GCNT3: variants seen among roughly 807,000 people sequenced by gnomAD.
GCNT3 encodes the protein beta-1,3-galactosyl-O-glycosyl-glycoprotein beta-1,6-N-acetylglucosaminyltransferase 3.
For synonymous variants in GCNT3, 269 were observed against 195.2 expected (o/e 1.38, Z -3.15); for missense variants, 708 against 530.3 (o/e 1.34, Z -3.29).
In GCNT3 at chr15:59,619,653, A is replaced by G; in HGVS notation, c.*98A>G. The G allele has an allele frequency of 2.6e-6, 2 of 759,810 alleles. No homozygotes were observed. The highest frequency in any genetic ancestry group is 4.5e-6 in the Non-Finnish European group (2 of 443,036). The allele number at this position is 759,810 out of a possible 1,614,324, so 47.1% of individuals were successfully genotyped here. A position where few individuals can be genotyped will look rare whatever the true frequency, so the allele number is the denominator to read the frequency against. ...TGTGGGTGGGAGACCAGGGCTTTGCAATTCGTGGCATCCTTTAGGATAAGA... is the reference window on the plus strand; with the variant it reads ...TGTGGGTGGGAGACCAGGGCTTTGCGATTCGTGGCATCCTTTAGGATAAGA... On this transcript the variant is annotated 3_prime_UTR_variant, in exon 3 of 3. Coordinates refer to ENST00000396065, the MANE Select transcript of GCNT3 (RefSeq NM_004751.3).
In GCNT3 at chr15:59,618,668, G is replaced by T; in HGVS notation, c.430G>T (p.Glu144Ter). 1 of 1,614,206 alleles carries T rather than the reference G, an allele frequency of 6.2e-7. No individual in the cohort carries two copies. The highest frequency in any genetic ancestry group is 1.3e-5 in the African/African-American group (1 of 75,062). The change falls in exon 3 of 3, where the codon GAA (glutamate) becomes TAA (stop). Residue 144 changes from glutamate to a stop codon, truncating the protein, a stop_gained. Coordinates refer to ENST00000396065, the MANE Select transcript of GCNT3 (RefSeq NM_004751.3). LOFTEE classifies it low-confidence loss of function (END_TRUNC). ...AYSMVIHEKI[E>*]NFERLLRAVY... ...CTCTATGGTGATTCATGAGAAGATT[G>T]AAAACTTTGAAAGGCTACTGCGAGC...
At position 59,619,462 on chromosome 15, in the gene GCNT3, G is replaced by A; in HGVS notation, c.1224G>A (p.Leu408=). 1 of 1,614,092 alleles carries A rather than the reference G, an allele frequency of 6.2e-7. No homozygotes were observed. Among genetic ancestry groups the A allele is most frequent in the Non-Finnish European group, 8.5e-7 (1 of 1,179,986 alleles). The stretch of plus-strand genomic sequence containing the variant: ...GGATGCTTCAAAACCATCACCTGTT[G>A]GCCAACAAGTTTGACCCAAAGGTAG... ...LNWMLQNHHL[L]ANKFDPKVDD... The change falls in exon 3 of 3, where the codon TTG becomes TTA. Residue 408 remains leucine, a synonymous_variant. Coordinates refer to ENST00000396065, the MANE Select transcript of GCNT3 (RefSeq NM_004751.3).
Position 59,619,223 on chromosome 15 carries a change from G to A in GCNT3, c.985G>A (p.Asp329Asn). ...IEWVKDTYSP[D>N]EHLWATLQRA... ...ATGGGTAAAAGACACTTATAGCCCA[G>A]ATGAACACCTCTGGGCCACCCTTCA... Residue 329 changes from aspartate to asparagine, a missense_variant, in exon 3 of 3, where the codon GAT becomes AAT. By Grantham distance (23) the Asp-to-Asn change is conservative. Transcript: ENST00000396065. The A allele has an allele frequency of 6.2e-7, 1 of 1,614,094 alleles. No individual in the cohort carries two copies. The highest frequency in any genetic ancestry group is 8.5e-7 in the Non-Finnish European group (1 of 1,179,998).
Position 59,622,640 on chromosome 15 carries a change from T to C in GCNT3, c.*3085T>C, listed in dbSNP as rs1193489075. On this transcript the variant is annotated 3_prime_UTR_variant, in exon 3 of 3. Transcript: ENST00000396065. The stretch of plus-strand genomic sequence containing the variant: ...TGCAGATTCTCTGAGAAAAGAACTT[T>C]GGCCTCATAGTTAACTTACTCCAAA... 6.6e-6 allele frequency: 1 copy of C among 152,210 alleles called. No individual in the cohort carries two copies. Among genetic ancestry groups the C allele is most frequent in the Non-Finnish European group, 1.5e-5 (1 of 68,032 alleles). 9.4% of individuals were successfully genotyped at this position (152,210 alleles called of 1,614,324 possible). A position where few individuals can be genotyped will look rare whatever the true frequency, so the allele number is the denominator to read the frequency against.
Position 59,618,442 on chromosome 15 carries a change from C to A in GCNT3, c.204C>A (p.Ile68=). ...NFLKLPAKRS[I]NCSGVTRGDQ... ...TGAAACTTCCAGCAAAGAGGTCTAT[C>A]AACTGTTCAGGGGTCACCCGAGGGG... The change falls in exon 3 of 3, where the codon ATC becomes ATA. Residue 68 remains isoleucine (I), a synonymous_variant. Coordinates refer to ENST00000396065, the MANE Select transcript of GCNT3 (RefSeq NM_004751.3). The A allele has an allele frequency of 6.2e-7, 1 of 1,614,052 alleles. No homozygotes were observed. Among genetic ancestry groups the A allele is most frequent in the Non-Finnish European group, 8.5e-7 (1 of 1,179,926 alleles).
rs59182078 is a variant in GCNT3 at position 59,613,360 on chromosome 15, A to G, written c.-251+1379A>G. Among the ~76,000 whole-genome samples, 46 of 152,074 alleles carry G rather than the reference A, an allele frequency of 3.0e-4. No homozygotes were observed. In the East Asian group the frequency reaches 8.7e-3, roughly 29 times the overall value. On this transcript the variant is annotated intron_variant, in intron 1 of 2. Transcript: ENST00000396065. ...TAGAGCCACGATTTCTTAATGTGTT[A>G]TTAACAAATACTTAACACATAACCA...
chr15:59,617,525 A>G (rs953136142), intron 2 of GCNT3, among the ~76,000 whole-genome samples: 28 of 152,228 alleles, frequency 1.8e-4, no homozygotes, highest in African/African-American at 6.3e-4. Context: ...TACTCATTAA[A>G]TATTGTATAT....
Position 59,618,811 on chromosome 15 carries a change from G to A in GCNT3, c.573G>A (p.Lys191=). 3.7e-6 allele frequency: 6 copies of A among 1,614,200 alleles called. No homozygotes were observed. The highest frequency in any genetic ancestry group is 2.2e-5 in the South Asian group (2 of 91,082). Residue 191 remains lysine (K), a synonymous_variant, in exon 3 of 3, where the codon AAG becomes AAA. Coordinates refer to ENST00000396065, the MANE Select transcript of GCNT3 (RefSeq NM_004751.3). ...SCFPNVFIAS[K]LVRVVYASWS... is the part of the protein sequence containing the mutation. ...TCCCAAATGTCTTCATAGCCAGTAA[G>A]CTGGTTCGGGTGGTTTATGCCTCCT...
intron 1 of GCNT3, among the ~76,000 whole-genome samples, chr15:59,615,908 C>T (rs943336014): frequency 6.6e-6 from 1 of 152,080 alleles, no homozygotes; most frequent in Non-Finnish European, 1.5e-5. Flanking sequence ...AAAACTTGCT[C>T]TGTTCAGATA....
intron 1 of GCNT3, among the ~76,000 whole-genome samples, chr15:59,615,371 C>T (rs1380031835): frequency 1.3e-5 from 2 of 152,166 alleles, no homozygotes; most frequent in East Asian, 3.8e-4. Context: ...GAGACCTCAG[C>T]ATTTGTTGAG....
At chr15:59,612,503 A>G (rs1398225977) in intron 1 of GCNT3, among the ~76,000 whole-genome samples, 1 of 152,154 alleles carries the variant, frequency 6.6e-6, no homozygotes, top group Non-Finnish European at 1.5e-5. Flanking sequence ...TGTTGGATAA[A>G]TTTGCTTTCA....
intron 1 of GCNT3, chr15:59,614,898 C>T (rs1330554845): frequency 6.6e-6 from 1 of 152,180 alleles, no homozygotes; most frequent in African/African-American, 2.4e-5. Flanking sequence ...GCTGTGGCTT[C>T]ATCTAAGTCA....
chr15:59,620,588 A>G lies in GCNT3; in HGVS notation c.*1033A>G, dbSNP rs1411033274. 6.0e-6 allele frequency: 1 copy of G among 167,036 alleles called. No individual in the cohort carries two copies. The highest frequency in any genetic ancestry group is 1.5e-5 in the Non-Finnish European group (1 of 68,116). 10.3% of individuals were successfully genotyped at this position (167,036 alleles called of 1,614,324 possible). On this transcript the variant is annotated 3_prime_UTR_variant, in exon 3 of 3. Transcript: ENST00000396065. The stretch of plus-strand genomic sequence containing the variant: ...TTTCTGTAAAGGAAAAGGCAGGGTG[A>G]TTTAACCAGTTTGACCACCTTTCCT...
intron 1 of GCNT3, among the ~76,000 whole-genome samples, chr15:59,615,723 A>C (rs1370870466): frequency 2.8e-4 from 34 of 123,184 alleles, no homozygotes; most frequent in African/African-American, 9.6e-4. Context: ...TCTCTACTTT[A>C]AAAAAAAAAA....
Position 59,621,586 on chromosome 15 carries a change from A to ATTTTTTTTTTTTTTTT in GCNT3, c.*2036_*2037insTTTTTTTTTTTTTTTT, listed in dbSNP as rs72144814. The ATTTTTTTTTTTTTTTT allele has an allele frequency of 4.4e-4, 40 of 90,876 alleles. 16 individuals carry two copies. Among genetic ancestry groups the ATTTTTTTTTTTTTTTT allele is most frequent in the African/African-American group, 1.2e-3 (28 of 23,854 alleles). 5.6% of individuals were successfully genotyped at this position (90,876 alleles called of 1,614,324 possible). A position where few individuals can be genotyped will look rare whatever the true frequency, so the allele number is the denominator to read the frequency against. On this transcript the variant is annotated 3_prime_UTR_variant, in exon 3 of 3. Transcript: ENST00000396065. ...TCATTAATATGTTTCTTCCTTTCTGATTTTTGTTTTTTTTTTTTTTTTTGA... is the reference window on the plus strand; with the variant it reads ...TCATTAATATGTTTCTTCCTTTCTGATTTTTTTTTTTTTTTTTTTTTGTTTTTTTTTTTTTTTTTGA...
rs560578018 is a variant in GCNT3 at position 59,616,700 on chromosome 15, G to A, written c.-242G>A. 1.3e-5 allele frequency: 2 copies of A among 152,198 alleles called. No homozygotes were observed. Among genetic ancestry groups the A allele is most frequent in the Admixed American group, 6.5e-5 (1 of 15,270 alleles). 9.4% of individuals were successfully genotyped at this position (152,198 alleles called of 1,614,324 possible). A position where few individuals can be genotyped will look rare whatever the true frequency, so the allele number is the denominator to read the frequency against. The stretch of plus-strand genomic sequence containing the variant: ...TGCCCTCTACTTTGCAGATATTAAA[G>A]AGGAGCCTGAAACTGTTCCTTGGAC... On this transcript the variant is annotated 5_prime_UTR_variant, in exon 2 of 3. Transcript: ENST00000396065.
In GCNT3 at chr15:59,619,168, G is replaced by C. The variant is rs773972923; in HGVS notation, c.930G>C (p.Leu310Phe). 1 of 1,614,064 alleles carries C rather than the reference G, an allele frequency of 6.2e-7. No individual in the cohort carries two copies. The highest frequency in any genetic ancestry group is 8.5e-7 in the Non-Finnish European group (1 of 1,180,004). ...CCCGAGATTTCGTCCAACATGTTTT[G>C]AAGAACCCTAAATCCCAACAACTGA... ...VASRDFVQHV[L>F]KNPKSQQLIE... The change falls in exon 3 of 3, where the codon TTG (leucine) becomes TTC (phenylalanine). Residue 310 changes from leucine (L) to phenylalanine (F), a missense_variant. Leu to Phe is a conservative substitution (Grantham distance 22). Transcript: ENST00000396065.
In GCNT3 at chr15:59,615,791, G is replaced by C. The variant is rs560533337; in HGVS notation, c.-250-901G>C. ...TGGTCCCAGCTACTCAGGATGCTGG[G>C]GCAGGAGGATGGCTTGAGCCCAGGA... On this transcript the variant is annotated intron_variant, in intron 1 of 2. Transcript: ENST00000396065. 4.9e-4 allele frequency among the ~76,000 whole-genome samples: 75 copies of C among 152,224 alleles called. No individual in the cohort carries two copies. In the South Asian group the frequency reaches 0.015, roughly 30 times the overall value.
At position 59,621,212 on chromosome 15, in the gene GCNT3, G is replaced by C. The variant is rs1890924709; in HGVS notation, c.*1657G>C. 2 of 151,940 alleles carry C rather than the reference G, an allele frequency of 1.3e-5. No individual in the cohort carries two copies. The highest frequency in any genetic ancestry group is 1.3e-4 in the Admixed American group (2 of 15,248). 9.4% of individuals were successfully genotyped at this position (151,940 alleles called of 1,614,324 possible). A position where few individuals can be genotyped will look rare whatever the true frequency, so the allele number is the denominator to read the frequency against. On this transcript the variant is annotated 3_prime_UTR_variant, in exon 3 of 3. Coordinates refer to ENST00000396065, the MANE Select transcript of GCNT3 (RefSeq NM_004751.3). ...CTCTTGAGTCAAAACTCTTATTTCA[G>C]AATGCGAATGGAAGGATCGCTATTA...
Sources: allele counts gnomAD v4.1 joint callset (sites outside exome capture counted in the v4.1 genomes callset), GRCh38; gene constraint gnomAD v4.1.1; transcripts MANE v1.5; gene names NCBI Gene and HGNC (gene_info 2026-07-23, HGNC 2026-07-21).